PPP3CA: variants seen among roughly 807,000 people sequenced by gnomAD.
PPP3CA encodes the protein CAM-PRP catalytic subunit.
PPP3CA carries 14 observed loss-of-function variants against 66.5 expected under a neutral mutation model. The ratio of observed to expected loss-of-function variants is 0.21; its 90% CI spans 0.14 to 0.33. PPP3CA has a LOEUF of 0.33. PPP3CA is among the 10% of genes least tolerant of loss of function. PPP3CA has a pLI of 1.00. For missense variants in PPP3CA, 317 were observed against 639.5 expected (o/e 0.50, Z 5.44); for synonymous variants, 232 against 226.2 (o/e 1.03, Z -0.23).
At chr4:101,168,077 G>C (rs1223228021) in intron 2 of PPP3CA, among the ~76,000 whole-genome samples, 2 of 152,142 alleles carry the variant, frequency 1.3e-5, no homozygotes, top group African/African-American at 2.4e-5. Flanking sequence ...AGGGAAGCCA[G>C]AGAACACTTT....
At chr4:101,131,193 G>A (rs939730398) in intron 2 of PPP3CA, among the ~76,000 whole-genome samples, 7 of 151,356 alleles carry the variant, frequency 4.6e-5, no homozygotes, top group Admixed American at 3.3e-4. Flanking sequence ...CCAAGATCGC[G>A]CCATTGTACT....
intron 12 of PPP3CA, 48 bp from the exon 13 acceptor site, chr4:101,029,243 G>T (rs374891444): frequency 2.6e-6 from 4 of 1,513,266 alleles, no homozygotes; most frequent in South Asian, 1.1e-5. Flanking sequence ...AATGAGCAGA[G>T]GATTTTTTAA....
At chr4:101,180,974 C>T (rs1724218588) in intron 2 of PPP3CA, among the ~76,000 whole-genome samples, 2 of 151,942 alleles carry the variant, frequency 1.3e-5, no homozygotes, top group African/African-American at 4.8e-5. Flanking sequence ...GTCGCTTTAG[C>T]CCAGGAGTTC....
chr4:101,041,578 T>C (rs1342340487), intron 10 of PPP3CA, among the ~76,000 whole-genome samples: 2 of 151,660 alleles, frequency 1.3e-5, no homozygotes, highest in Admixed American at 6.6e-5. Context: ...GGCACAGGCA[T>C]GTGCCACCAG....
At chr4:101,280,939 A>C (rs137897778) in intron 1 of PPP3CA, among the ~76,000 whole-genome samples, 52 of 152,250 alleles carry the variant, frequency 3.4e-4, no homozygotes, top group African/African-American at 1.2e-3. Flanking sequence ...TTAAATGGTT[A>C]GAGACTGGAG....
chr4:101,269,599 T>TGA (rs1213647427), intron 1 of PPP3CA, among the ~76,000 whole-genome samples: 6 of 146,480 alleles, frequency 4.1e-5, no homozygotes. Flanking sequence ...TGTGTGTGTG[T>TGA]GTTTTAACTG....
At chr4:101,237,293 A>G (rs2850950) in intron 1 of PPP3CA, among the ~76,000 whole-genome samples, 128,568 of 151,776 alleles carry the variant, frequency 0.85, 55,093 homozygotes, top group African/African-American at 0.96. Context: ...CCAAGTGAGT[A>G]GGTAAATATA....
At chr4:101,110,430 C>T (rs1326949050) in intron 2 of PPP3CA, among the ~76,000 whole-genome samples, 4 of 152,088 alleles carry the variant, frequency 2.6e-5, no homozygotes, top group African/African-American at 9.7e-5. Context: ...TACTAAGAAC[C>T]CACAGCACTA....
intron 2 of PPP3CA, among the ~76,000 whole-genome samples, chr4:101,161,435 G>C (rs1487702966): frequency 6.6e-6 from 1 of 151,966 alleles, no homozygotes; most frequent in Non-Finnish European, 1.5e-5. Flanking sequence ...TTTTTCTCAG[G>C]CTATAATTTT....
intron 2 of PPP3CA, among the ~76,000 whole-genome samples, chr4:101,126,655 A>G (rs78888749): frequency 0.04 from 6,085 of 152,264 alleles, 203 homozygotes; most frequent in Middle Eastern, 0.11. Context: ...AAACACTTCA[A>G]AAACCTGACG....
At chr4:101,081,941 C>G (rs1729457755) in intron 7 of PPP3CA, among the ~76,000 whole-genome samples, 1 of 152,136 alleles carries the variant, frequency 6.6e-6, no homozygotes, top group South Asian at 2.1e-4. Flanking sequence ...CAAACAAAAA[C>G]AAAGAAACTG....
Position 101,337,459 on chromosome 4 carries a change from G to C in PPP3CA, c.58+9280C>G, listed in dbSNP as rs145743259. ...CCAAAATTTAACACATCCGTTTCTG[G>C]AAGGGCACGTGGAACGAGATAGAGT... On this transcript the variant is annotated intron_variant, in intron 1 of 13. Transcript: ENST00000394854. Among the ~76,000 whole-genome samples the C allele has an allele frequency of 4.3e-4, 66 of 152,282 alleles. 1 individual carries two copies. Among genetic ancestry groups the C allele is most frequent in the African/African-American group, 1.5e-3 (61 of 41,556 alleles).
At chr4:101,122,384 T>C (rs1285726318) in intron 2 of PPP3CA, among the ~76,000 whole-genome samples, 1 of 152,114 alleles carries the variant, frequency 6.6e-6, no homozygotes, top group Non-Finnish European at 1.5e-5. Context: ...TAAGAGCTCT[T>C]TGTATGTGTG....
chr4:101,089,283 G>A (rs1729808710), intron 6 of PPP3CA, among the ~76,000 whole-genome samples: 2 of 151,534 alleles, frequency 1.3e-5, no homozygotes, highest in South Asian at 4.2e-4. Context: ...GGAAGAGAAG[G>A]GATCGCCCTG....
At chr4:101,133,846 T>C (rs994118091) in intron 2 of PPP3CA, among the ~76,000 whole-genome samples, 10 of 152,204 alleles carry the variant, frequency 6.6e-5, no homozygotes, top group African/African-American at 2.4e-4. Flanking sequence ...CTTCAAACTA[T>C]ACTACAAGGC....
chr4:101,065,545 T>C (rs1728644889), intron 8 of PPP3CA, among the ~76,000 whole-genome samples: 1 of 152,112 alleles, frequency 6.6e-6, no homozygotes, highest in African/African-American at 2.4e-5. Context: ...ACTGCCCTTA[T>C]GTTACAAAGG....
At chr4:101,067,540 C>CAA (rs745739173) in intron 8 of PPP3CA, among the ~76,000 whole-genome samples, 6 of 128,056 alleles carry the variant, frequency 4.7e-5, no homozygotes, top group Non-Finnish European at 8.4e-5. Context: ...TTTGATGAGA[C>CAA]AAAAAAAAAA....
chr4:101,029,379 A>T, intron 12 of PPP3CA, among the ~76,000 whole-genome samples, 184 bp from the exon 13 acceptor site: 1 of 148,274 alleles, frequency 6.7e-6, no homozygotes, highest in Non-Finnish European at 1.5e-5. Context: ...AAAAGAAAAA[A>T]AATGCCACAG....
chr4:101,088,298 G>C (rs1053834879), intron 6 of PPP3CA, among the ~76,000 whole-genome samples: 2 of 152,118 alleles, frequency 1.3e-5, no homozygotes, highest in African/African-American at 4.8e-5. Flanking sequence ...AAACTTAGTA[G>C]AGAGAGGCCA....
Sources: allele counts gnomAD v4.1 joint callset (sites outside exome capture counted in the v4.1 genomes callset), GRCh38; gene constraint gnomAD v4.1.1; transcripts MANE v1.5; gene names NCBI Gene and HGNC (gene_info 2026-07-23, HGNC 2026-07-21).